ASZ1: variants seen among roughly 807,000 people sequenced by gnomAD.
ASZ1 encodes the protein ankyrin repeat, SAM and basic leucine zipper domain containing 1.
ASZ1 carries 67 observed loss-of-function variants against 61.8 expected under a neutral mutation model. That is an observed-to-expected ratio of 1.08 (90% CI 0.89 to 1.33). The LOEUF (loss-of-function observed/expected upper bound fraction) is 1.33, where lower values mean the gene tolerates loss of function less well. ASZ1 is among the 40% of genes most tolerant of loss of function. The probability of loss-of-function intolerance (pLI) is 0.00; values close to 1 mark genes in which losing one functional copy is unlikely to be tolerated. For synonymous variants in ASZ1, 193 were observed against 192.7 expected, an observed-to-expected ratio of 1.00 and a Z score of -0.01; for missense variants, 577 against 554.5, an observed-to-expected ratio of 1.04 and a Z score of -0.41.
intron 4 of ASZ1, among the ~76,000 whole-genome samples, chr7:117,396,818 A>C (rs1334755439): frequency 6.6e-6 from 1 of 152,086 alleles, no homozygotes; most frequent in East Asian, 1.9e-4. Flanking sequence ...TTTTTCCCTT[A>C]GGTTTTGATA....
Position 117,363,613 on chromosome 7 carries a change from T to C in ASZ1, c.1411A>G (p.Thr471Ala). The C allele has an allele frequency of 6.3e-7, 1 of 1,598,670 alleles. No homozygotes were observed. Reference protein sequence around the residue: ...FGFLLFICKLTFQRK With the variant: ...FGFLLFICKLAFQRK ...TATTTGGATTATTTCCTCTGGAAAG[T>C]TAGCTTGCAAATGAAAAGAAGAAAA... The change falls in exon 13 of 13, where the codon ACT becomes GCT. Residue 471 changes from threonine (T) to alanine (A), a missense_variant. Transcript: ENST00000284629.
chr7:117,373,470 T>C (rs1796084707), intron 10 of ASZ1, among the ~76,000 whole-genome samples: 1 of 152,216 alleles, frequency 6.6e-6, no homozygotes, highest in Non-Finnish European at 1.5e-5. Flanking sequence ...TAGAAGATTT[T>C]GACACATAGA....
At chr7:117,401,721 CCAAA>C (rs1018916401) in intron 4 of ASZ1, among the ~76,000 whole-genome samples, 6 of 152,236 alleles carry the variant, frequency 3.9e-5, no homozygotes, top group Non-Finnish European at 7.4e-5. Flanking sequence ...CCACTTAACC[CCAAA>C]CAAAGGGTCT....
chr7:117,394,710 T>C (rs1172375223), intron 4 of ASZ1, among the ~76,000 whole-genome samples: 1 of 152,198 alleles, frequency 6.6e-6, no homozygotes, highest in Admixed American at 6.5e-5. Context: ...ACCTTTCCTT[T>C]ATACTTTCCA....
chr7:117,426,127 C>T (rs1254849635), intron 2 of ASZ1, among the ~76,000 whole-genome samples: 1 of 151,898 alleles, frequency 6.6e-6, no homozygotes, highest in Non-Finnish European at 1.5e-5. Context: ...GGCCTCATTC[C>T]ACCAGTACAA....
intron 4 of ASZ1, among the ~76,000 whole-genome samples, chr7:117,387,607 G>A (rs1006873418): frequency 2.0e-5 from 3 of 152,118 alleles, no homozygotes; most frequent in Non-Finnish European, 2.9e-5. Flanking sequence ...GTCACCGGCA[G>A]CTCCTATTAG....
chr7:117,397,676 A>G (rs554570506), intron 4 of ASZ1, among the ~76,000 whole-genome samples: 1 of 152,354 alleles, frequency 6.6e-6, no homozygotes, highest in Admixed American at 6.5e-5. Context: ...CTGGGTCTGA[A>G]GGCAGAGAAC....
rs770060817 is a variant in ASZ1, at chr7:117,368,710, C to A, written c.1063G>T (p.Glu355Ter). 6.2e-7 allele frequency: 1 copy of A among 1,612,480 alleles called. No individual in the cohort carries two copies. The highest frequency in any genetic ancestry group is 8.5e-7 in the Non-Finnish European group (1 of 1,179,294). The change falls in exon 11 of 13, where the codon GAG (glutamate) becomes TAG (stop). Residue 355 changes from glutamate to a stop codon, truncating the protein, a stop_gained. Transcript: ENST00000284629. LOFTEE classifies it high-confidence loss of function. ...AATTTGAGAAGAAAGTTGAGGAACTCATCACCACTAAAGAAAGGAAACAAA... is the reference window on the plus strand; with the variant it reads ...AATTTGAGAAGAAAGTTGAGGAACTAATCACCACTAAAGAAAGGAAACAAA... ...EETKLEISGDEFLNFLLKLNK... is the reference protein window; with the variant it reads ...EETKLEISGD
intron 4 of ASZ1, among the ~76,000 whole-genome samples, chr7:117,399,676 G>T (rs1246226634): frequency 1.3e-5 from 2 of 151,812 alleles, no homozygotes; most frequent in African/African-American, 4.8e-5. Flanking sequence ...AGGTAGATTA[G>T]TGGTTGCTAA....
chr7:117,397,602 A>G (rs1042109567), intron 4 of ASZ1, among the ~76,000 whole-genome samples: 2 of 152,196 alleles, frequency 1.3e-5, no homozygotes, highest in Non-Finnish European at 2.9e-5. Context: ...GCTGGAGAAT[A>G]GGGTCTGAAG....
At chr7:117,373,081 C>T (rs1009351190) in intron 10 of ASZ1, among the ~76,000 whole-genome samples, 3 of 151,988 alleles carry the variant, frequency 2.0e-5, no homozygotes, top group African/African-American at 7.2e-5. Flanking sequence ...CCTTGATGGA[C>T]ATAGTTTTGA....
intron 4 of ASZ1, among the ~76,000 whole-genome samples, chr7:117,409,811 T>C (rs928065991): frequency 6.6e-5 from 10 of 151,800 alleles, no homozygotes; most frequent in African/African-American, 2.4e-4. Context: ...ATCCAAGTGA[T>C]GCTTCCAAGA....
chr7:117,369,601 C>G (rs1216945063), intron 10 of ASZ1, among the ~76,000 whole-genome samples: 3 of 152,136 alleles, frequency 2.0e-5, no homozygotes, highest in Non-Finnish European at 4.4e-5. Context: ...CTGGCAGTGG[C>G]AGTCTTACTG....
chr7:117,365,153 C>G (rs1584713885), intron 12 of ASZ1, among the ~76,000 whole-genome samples: 1 of 152,148 alleles, frequency 6.6e-6, no homozygotes, highest in South Asian at 2.1e-4. Flanking sequence ...CAAGACTAAT[C>G]TGAAAAAACC....
intron 12 of ASZ1, among the ~76,000 whole-genome samples, chr7:117,367,105 G>A (rs1039646969): frequency 6.6e-6 from 1 of 152,168 alleles, no homozygotes; most frequent in Non-Finnish European, 1.5e-5. Flanking sequence ...GTAGAAATTG[G>A]TAGTGATACA....
chr7:117,389,605 C>G (rs1472081485), intron 4 of ASZ1, among the ~76,000 whole-genome samples: 2 of 152,124 alleles, frequency 1.3e-5, no homozygotes, highest in African/African-American at 4.8e-5. Context: ...CCTACCACTA[C>G]CAGGCCAAAG....
chr7:117,392,015 C>A (rs1250791957), intron 4 of ASZ1, among the ~76,000 whole-genome samples: 1 of 152,156 alleles, frequency 6.6e-6, no homozygotes, highest in Non-Finnish European at 1.5e-5. Context: ...TGGTCTTGAA[C>A]TGCTGCCGTC....
chr7:117,422,944 C>G (rs1395377542), intron 2 of ASZ1, among the ~76,000 whole-genome samples: 2 of 152,242 alleles, frequency 1.3e-5, no homozygotes, highest in East Asian at 3.9e-4. Context: ...ATAGACACCA[C>G]TATTGAGAAT....
At chr7:117,385,391 C>G (rs758310266) in intron 5 of ASZ1, among the ~76,000 whole-genome samples, 15 of 152,008 alleles carry the variant, frequency 9.9e-5, no homozygotes, top group Non-Finnish European at 5.9e-5. Flanking sequence ...TCCTGAGTAG[C>G]TGGGATTAAA....
Sources: gnomAD v4.1 joint callset for allele counts (sites outside exome capture counted in the v4.1 genomes callset) on GRCh38, gnomAD v4.1.1 for gene constraint, MANE v1.5 for transcripts, NCBI Gene and HGNC (gene_info 2026-07-23, HGNC 2026-07-21) for gene names.